The following IKZF3 variants were observed in gnomAD, a reference collection of about 807,000 sequenced individuals.
The protein encoded by IKZF3 is IKAROS family zinc finger 3.
IKZF3 carries 10 observed loss-of-function variants against 49.0 expected under a neutral mutation model. The observed-to-expected ratio is 0.20, with a 90% confidence interval of 0.13 to 0.35. IKZF3 has a LOEUF of 0.35. Among genes scored for constraint, IKZF3 ranks in the 10% least tolerant of loss-of-function variants. The pLI is 1.00. For synonymous variants in IKZF3, 209 were observed against 228.2 expected (o/e 0.92, Z 0.76); for missense variants, 498 against 664.8 (o/e 0.75, Z 2.76).
rs35165958 is a variant in IKZF3, at chr17:39,784,409, C to CTTT, written c.709+3846_709+3848dup. On this transcript the variant is annotated intron_variant, in intron 6 of 7. Transcript: ENST00000346872. ...ACTAAAGTAGCAATATCACTAGTGT[C>CTTT]TTTTTTTTTTTTTGAGATGGAGTCT... Among the ~76,000 whole-genome samples, 3 of 144,320 alleles carry CTTT rather than the reference C, an allele frequency of 2.1e-5. No homozygotes were observed. In the South Asian group the frequency reaches 6.6e-4, roughly 32 times the overall value. The allele number at this position is 144,320 out of a possible 152,430, so 94.7% of individuals were successfully genotyped here.
intron 6 of IKZF3, among the ~76,000 whole-genome samples, chr17:39,782,479 G>T (rs746084000): frequency 9.2e-5 from 14 of 151,882 alleles, no homozygotes; most frequent in Admixed American, 3.9e-4. Flanking sequence ...AAGCTCTTTG[G>T]GATTACTGAG....
intron 1 of IKZF3, among the ~76,000 whole-genome samples, chr17:39,848,592 G>A (rs1349625718): frequency 3.3e-5 from 5 of 152,148 alleles, no homozygotes; most frequent in African/African-American, 1.2e-4. Context: ...AATTTGAAGT[G>A]GGTAACAGAG....
At chr17:39,800,768 T>C (rs1461952824) in intron 3 of IKZF3, among the ~76,000 whole-genome samples, 2 of 152,168 alleles carry the variant, frequency 1.3e-5, no homozygotes, top group East Asian at 3.8e-4. Flanking sequence ...ATGAAAGGCT[T>C]GTACTCCAGA....
intron 1 of IKZF3, among the ~76,000 whole-genome samples, chr17:39,861,886 G>A (rs1221363960): frequency 6.6e-6 from 1 of 152,130 alleles, no homozygotes; most frequent in Non-Finnish European, 1.5e-5. Context: ...TGCTTATAAA[G>A]CAGGGAGCTG....
In IKZF3 at chr17:39,764,464, C is replaced by CAAAAAAAAA. The variant is rs71149801; in HGVS notation, c.*1317_*1325dup. 1.6e-5 allele frequency: 1 copy of CAAAAAAAAA among 61,056 alleles called. No individual in the cohort carries two copies. The highest frequency in any genetic ancestry group is 5.4e-5 in the African/African-American group (1 of 18,384). The allele number at this position is 61,056 out of a possible 1,614,324, so 3.8% of individuals were successfully genotyped here. ...TGGGCAACAGAGTGAGATCCTGTCTCAAAAAAAAAAAAAAAAAAAAAGTTA... is the reference window on the plus strand; with the variant it reads ...TGGGCAACAGAGTGAGATCCTGTCTCAAAAAAAAAAAAAAAAAAAAAAAAAAAAAAGTTA... On this transcript the variant is annotated 3_prime_UTR_variant, in exon 8 of 8. Coordinates refer to ENST00000346872, the MANE Select transcript of IKZF3 (RefSeq NM_012481.5).
At chr17:39,825,097 G>C (rs889908852) in intron 3 of IKZF3, among the ~76,000 whole-genome samples, 2 of 152,132 alleles carry the variant, frequency 1.3e-5, no homozygotes, top group Admixed American at 6.5e-5. Flanking sequence ...TAAGTTTTCT[G>C]AGGCTTCCCC....
At chr17:39,820,693 T>G (rs1469713551) in intron 3 of IKZF3, among the ~76,000 whole-genome samples, 1 of 152,140 alleles carries the variant, frequency 6.6e-6, no homozygotes, top group East Asian at 1.9e-4. Context: ...TCTTTTGTAT[T>G]CATAACGAGC....
At chr17:39,801,516 A>C (rs1414994706) in intron 3 of IKZF3, among the ~76,000 whole-genome samples, 1 of 152,254 alleles carries the variant, frequency 6.6e-6, no homozygotes, top group African/African-American at 2.4e-5. Context: ...GTAGGTATTC[A>C]GTCTACAAAG....
At position 39,861,716 on chromosome 17, in the gene IKZF3, C is replaced by T. The variant is rs77137867; in HGVS notation, c.7+2404G>A. Among the ~76,000 whole-genome samples, 155 of 152,122 alleles carry T rather than the reference C, an allele frequency of 1.0e-3. 1 individual carries two copies. Among genetic ancestry groups the T allele is most frequent in the Non-Finnish European group, 1.9e-3 (129 of 67,994 alleles). ...CTATGTGGTAAGAAATATAAGCTGA[C>T]ATCAAGAAGGAGACAAAAATTGTAC... On this transcript the variant is annotated intron_variant, in intron 1 of 7. Coordinates refer to ENST00000346872, the MANE Select transcript of IKZF3 (RefSeq NM_012481.5).
At chr17:39,841,180 A>C (rs2144398403) in intron 1 of IKZF3, among the ~76,000 whole-genome samples, 1 of 148,016 alleles carries the variant, frequency 6.8e-6, no homozygotes, top group Non-Finnish European at 1.5e-5. Flanking sequence ...GTCTGGAACA[A>C]AAAAAAAAAG....
intron 1 of IKZF3, among the ~76,000 whole-genome samples, chr17:39,845,748 AC>A (rs2062611696): frequency 6.6e-6 from 1 of 152,072 alleles, no homozygotes; most frequent in Admixed American, 6.6e-5. Context: ...TACTTTCAAA[AC>A]CCTGCAATTG....
intron 1 of IKZF3, among the ~76,000 whole-genome samples, chr17:39,860,911 A>G (rs1436541066): frequency 6.6e-6 from 1 of 152,204 alleles, no homozygotes; most frequent in Non-Finnish European, 1.5e-5. Flanking sequence ...CTAGCAAAAA[A>G]TATCCAATAA....
At chr17:39,779,734 G>C (rs2143750851) in intron 6 of IKZF3, among the ~76,000 whole-genome samples, 1 of 146,976 alleles carries the variant, frequency 6.8e-6, no homozygotes, top group South Asian at 2.2e-4. Context: ...CACTTGCCTA[G>C]AGCGCCACAG....
Position 39,824,525 on chromosome 17 carries a change from G to T in IKZF3, c.163+4862C>A, listed in dbSNP as rs533915275. On this transcript the variant is annotated intron_variant, in intron 3 of 7. Transcript: ENST00000346872. The stretch of plus-strand genomic sequence containing the variant: ...ATGGGGGCCAGGGCAGAATGATATG[G>T]TTTAGCTGCGTCCCTACCCAAATCT... Among the ~76,000 whole-genome samples the T allele has an allele frequency of 2.0e-4, 31 of 152,176 alleles. 1 individual carries two copies. Among genetic ancestry groups the T allele is most frequent in the Non-Finnish European group, 4.3e-4 (29 of 67,990 alleles).
chr17:39,852,435 C>G (rs1268360643), intron 1 of IKZF3, among the ~76,000 whole-genome samples: 1 of 152,206 alleles, frequency 6.6e-6, no homozygotes, highest in Non-Finnish European at 1.5e-5. Context: ...TTGTCCTTAT[C>G]TTGCTTGATT....
At chr17:39,853,267 G>C (rs572572869) in intron 1 of IKZF3, among the ~76,000 whole-genome samples, 1 of 152,070 alleles carries the variant, frequency 6.6e-6, no homozygotes, top group Non-Finnish European at 1.5e-5. Flanking sequence ...CACAAAAAAG[G>C]TATTCAATAA....
chr17:39,798,594 C>T (rs954903296), intron 3 of IKZF3, among the ~76,000 whole-genome samples: 16 of 151,816 alleles, frequency 1.1e-4, no homozygotes, highest in African/African-American at 3.9e-4. Context: ...CAACTTCTGC[C>T]TCCCGGGTTC....
chr17:39,770,400 G>T (rs1050701112), intron 7 of IKZF3, among the ~76,000 whole-genome samples: 1 of 152,006 alleles, frequency 6.6e-6, no homozygotes, highest in Non-Finnish European at 1.5e-5. Flanking sequence ...TGCCTGGTTG[G>T]GCCATTCCCT....
At chr17:39,851,583 A>T (rs898245383) in intron 1 of IKZF3, among the ~76,000 whole-genome samples, 1 of 152,186 alleles carries the variant, frequency 6.6e-6, no homozygotes, top group Non-Finnish European at 1.5e-5. Context: ...TGTAAAATTA[A>T]TTTATATGAA....
Sources: allele counts gnomAD v4.1 joint callset (sites outside exome capture counted in the v4.1 genomes callset), GRCh38; gene constraint gnomAD v4.1.1; transcripts MANE v1.5; gene names NCBI Gene and HGNC (gene_info 2026-07-23, HGNC 2026-07-21).